The following GRID2 variants were observed in gnomAD, a reference collection of about 807,000 sequenced individuals.
The protein encoded by GRID2 is glutamate ionotropic receptor delta type subunit 2.
A neutral mutation model predicts 114.8 loss-of-function variants in GRID2; 33 were observed. The ratio of observed to expected loss-of-function variants is 0.29; its 90% CI spans 0.22 to 0.38. The LOEUF is 0.38. GRID2 is among the 10% of genes least tolerant of loss of function. The pLI is 1.00. For missense variants in GRID2, 1,184 were observed against 1,257.7 expected (o/e 0.94, Z 0.89); for synonymous variants, 505 against 449.9 (o/e 1.12, Z -1.55).
chr4:93,263,657 G>A (rs1214493108), intron 8 of GRID2, among the ~76,000 whole-genome samples: 1 of 151,868 alleles, frequency 6.6e-6, no homozygotes, highest in Non-Finnish European at 1.5e-5. Context: ...TATAATTAGT[G>A]GATCATCTTG....
At chr4:93,601,729 A>T (rs1024419859) in intron 13 of GRID2, among the ~76,000 whole-genome samples, 6 of 152,160 alleles carry the variant, frequency 3.9e-5, no homozygotes, top group Non-Finnish European at 8.8e-5. Flanking sequence ...AACTTTGATA[A>T]TGATAATTTT....
chr4:93,193,295 G>A (rs1456791381), intron 4 of GRID2, among the ~76,000 whole-genome samples: 1 of 152,030 alleles, frequency 6.6e-6, no homozygotes, highest in Admixed American at 6.6e-5. Flanking sequence ...ATATGGTTTG[G>A]CTGTGTCCCC....
At chr4:92,320,721 A>C (rs982129304) in intron 1 of GRID2, among the ~76,000 whole-genome samples, 1 of 151,996 alleles carries the variant, frequency 6.6e-6, no homozygotes, top group Non-Finnish European at 1.5e-5. Context: ...CAAGCGATCC[A>C]CCTGCCTCGG....
chr4:92,310,232 G>A (rs1725627332), intron 1 of GRID2, among the ~76,000 whole-genome samples: 1 of 151,896 alleles, frequency 6.6e-6, no homozygotes, highest in Admixed American at 6.6e-5. Flanking sequence ...TATTTGTTTT[G>A]TAAAAAGGCA....
intron 1 of GRID2, among the ~76,000 whole-genome samples, chr4:93,793,815 C>T (rs759828813): frequency 7.9e-5 from 12 of 152,082 alleles, no homozygotes; most frequent in African/African-American, 2.4e-4. Flanking sequence ...ATATGATGAA[C>T]GCTCTCTCTT....
At chr4:93,357,123 T>C (rs1434833779) in intron 8 of GRID2, among the ~76,000 whole-genome samples, 2 of 151,670 alleles carry the variant, frequency 1.3e-5, no homozygotes, top group African/African-American at 4.8e-5. Flanking sequence ...AAGTAATCAT[T>C]TTCCCTCTTA....
At chr4:92,646,364 A>G (rs1350558026) in intron 2 of GRID2, among the ~76,000 whole-genome samples, 4 of 152,216 alleles carry the variant, frequency 2.6e-5, no homozygotes, top group African/African-American at 9.6e-5. Context: ...CAGTTTGTGT[A>G]TTGTCAAATA....
At chr4:92,435,842 A>T (rs1472266485) in intron 1 of GRID2, among the ~76,000 whole-genome samples, 1 of 152,178 alleles carries the variant, frequency 6.6e-6, no homozygotes, top group Admixed American at 6.5e-5. Flanking sequence ...GACATAGGAT[A>T]TATTTGTCAG....
At chr4:93,441,062 C>G (rs1411049935) in intron 10 of GRID2, among the ~76,000 whole-genome samples, 2 of 152,048 alleles carry the variant, frequency 1.3e-5, no homozygotes, top group Non-Finnish European at 2.9e-5. Flanking sequence ...TGGGTTACAG[C>G]TTATCCAGCT....
At chr4:92,690,731 T>TAC (rs567972824) in intron 2 of GRID2, among the ~76,000 whole-genome samples, 102 of 152,262 alleles carry the variant, frequency 6.7e-4, no homozygotes, top group African/African-American at 2.4e-3. Context: ...TATTAAGCTA[T>TAC]ACACCCCATG....
intron 4 of GRID2, among the ~76,000 whole-genome samples, chr4:93,122,140 T>C (rs1342848362): frequency 1.3e-5 from 2 of 152,164 alleles, no homozygotes; most frequent in African/African-American, 2.4e-5. Flanking sequence ...GTTAGTACTT[T>C]TTGTCTTTTT....
intron 1 of GRID2, among the ~76,000 whole-genome samples, chr4:92,326,591 T>A (rs982280283): frequency 3.9e-5 from 6 of 151,970 alleles, no homozygotes; most frequent in African/African-American, 1.2e-4. Flanking sequence ...ATTTATTACT[T>A]GTTATTCATG....
chr4:93,051,651 A>G (rs1169975471), intron 2 of GRID2, among the ~76,000 whole-genome samples: 1 of 152,034 alleles, frequency 6.6e-6, no homozygotes, highest in Non-Finnish European at 1.5e-5. Context: ...GTATCTTTCC[A>G]TGGTTTTACA....
intron 14 of GRID2, among the ~76,000 whole-genome samples, chr4:93,720,406 C>T (rs1240347954): frequency 6.6e-6 from 1 of 152,186 alleles, no homozygotes; most frequent in Non-Finnish European, 1.5e-5. Flanking sequence ...AGAGTTTGCT[C>T]ATTTAATTTT....
At chr4:92,465,841 A>G (rs900641176) in intron 1 of GRID2, among the ~76,000 whole-genome samples, 1 of 151,988 alleles carries the variant, frequency 6.6e-6, no homozygotes, top group Admixed American at 6.6e-5. Flanking sequence ...GTTTGCATAA[A>G]TCCTGACTTA....
At chr4:92,338,909 C>A (rs1727329828) in intron 1 of GRID2, among the ~76,000 whole-genome samples, 1 of 151,922 alleles carries the variant, frequency 6.6e-6, no homozygotes, top group Non-Finnish European at 1.5e-5. Flanking sequence ...CTTTATTTTA[C>A]AGGAGGTGTG....
intron 2 of GRID2, among the ~76,000 whole-genome samples, chr4:93,023,123 G>GTGTA (rs923637980): frequency 1.3e-4 from 19 of 147,232 alleles, no homozygotes; most frequent in African/African-American, 4.8e-4. Context: ...GTGTGTGTGT[G>GTGTA]TGTATGTATG....
chr4:92,787,960 T>C (rs934347268), intron 2 of GRID2, among the ~76,000 whole-genome samples: 1 of 151,784 alleles, frequency 6.6e-6, no homozygotes, highest in Non-Finnish European at 1.5e-5. Flanking sequence ...GCTGTATAAA[T>C]GGAACATACA....
intron 14 of GRID2, among the ~76,000 whole-genome samples, chr4:93,694,947 G>C (rs930466082): frequency 1.3e-4 from 20 of 152,060 alleles, no homozygotes; most frequent in Admixed American, 6.6e-4. Flanking sequence ...CGAGACGGGC[G>C]GATTGCCTGA....
Sources: gnomAD v4.1 joint callset for allele counts (sites outside exome capture counted in the v4.1 genomes callset) on GRCh38, gnomAD v4.1.1 for gene constraint, MANE v1.5 for transcripts, NCBI Gene and HGNC (gene_info 2026-07-23, HGNC 2026-07-21) for gene names.